The following TENM3 variants were observed in gnomAD, a reference collection of about 807,000 sequenced individuals.
The protein encoded by TENM3 is teneurin transmembrane protein 3, also known as teneurin-3.
A neutral mutation model predicts 255.1 loss-of-function variants in TENM3; 63 were observed. That is an observed-to-expected ratio of 0.25 (90% confidence interval 0.20 to 0.30). The LOEUF (loss-of-function observed/expected upper bound fraction) is 0.30. Ranked by LOEUF, TENM3 falls within the 10% of genes least tolerant of loss-of-function variation. The pLI is 1.00. For synonymous variants in TENM3, 1,306 were observed against 1,322.3 expected (o/e 0.99, Z 0.27); for missense variants, 2,929 against 3,461.1 (o/e 0.85, Z 3.86).
chr4:182,612,960 A>G (rs1255921399), intron 4 of TENM3, among the ~76,000 whole-genome samples: 5 of 152,206 alleles, frequency 3.3e-5, no homozygotes, highest in Non-Finnish European at 7.4e-5. Flanking sequence ...TGCCATGAAC[A>G]ACTCTCAACT....
intron 17 of TENM3, among the ~76,000 whole-genome samples, chr4:182,737,628 G>C (rs1454236577): frequency 6.6e-6 from 1 of 152,158 alleles, no homozygotes; most frequent in Non-Finnish European, 1.5e-5. Flanking sequence ...CATGTTGAGA[G>C]ACAGACAGAG....
chr4:181,507,733 T>G, the TENM3 span, among the ~76,000 whole-genome samples: 3 of 152,234 alleles, frequency 2.0e-5, no homozygotes, highest in Non-Finnish European at 4.4e-5. Context: ...GATGCTCAAA[T>G]CGATTGTTTT....
At chr4:182,002,506 A>C in the TENM3 span, among the ~76,000 whole-genome samples, 2 of 151,458 alleles carry the variant, frequency 1.3e-5, no homozygotes, top group Non-Finnish European at 3.0e-5. Flanking sequence ...AGAACTCCAC[A>C]TTCTCGGTTG....
At chr4:182,455,946 C>G (rs1375653916) in intron 3 of TENM3, among the ~76,000 whole-genome samples, 1 of 152,204 alleles carries the variant, frequency 6.6e-6, no homozygotes, top group East Asian at 1.9e-4. Flanking sequence ...AACACATTAT[C>G]CTGTAGTCAT....
At chr4:182,268,506 T>G (rs1759394884) in intron 1 of TENM3, among the ~76,000 whole-genome samples, 1 of 152,122 alleles carries the variant, frequency 6.6e-6, no homozygotes. Flanking sequence ...CAACCCTATC[T>G]TAAATAGGAG....
the TENM3 span, among the ~76,000 whole-genome samples, chr4:181,732,639 C>T: frequency 6.6e-6 from 1 of 152,030 alleles, no homozygotes; most frequent in South Asian, 2.1e-4. Context: ...TGCATTTGCA[C>T]TGTTAATATG....
intron 3 of TENM3, among the ~76,000 whole-genome samples, chr4:182,581,715 C>T (rs568067114): frequency 4.0e-5 from 6 of 151,544 alleles, no homozygotes; most frequent in East Asian, 3.9e-4. Context: ...CCAGCCTGGG[C>T]GACAGAGCGA....
the TENM3 span, among the ~76,000 whole-genome samples, chr4:181,916,525 A>C: frequency 3.3e-5 from 5 of 152,146 alleles, no homozygotes; most frequent in Non-Finnish European, 5.9e-5. Context: ...CATCTAGTAA[A>C]AGGGTTATTG....
chr4:182,639,307 G>A (rs1171805955), intron 5 of TENM3, among the ~76,000 whole-genome samples: 2 of 152,072 alleles, frequency 1.3e-5, no homozygotes, highest in Non-Finnish European at 2.9e-5. Context: ...TCTTGAACAG[G>A]GTAGTTAACC....
intron 5 of TENM3, among the ~76,000 whole-genome samples, chr4:182,652,725 T>C (rs1753422172): frequency 6.6e-6 from 1 of 152,194 alleles, no homozygotes; most frequent in Non-Finnish European, 1.5e-5. Flanking sequence ...TGCCTTCTTA[T>C]TCTTCCTCCA....
the TENM3 span, among the ~76,000 whole-genome samples, chr4:181,725,288 G>A: frequency 6.6e-6 from 1 of 152,156 alleles, no homozygotes; most frequent in Non-Finnish European, 1.5e-5. Context: ...GGAAAGAAAA[G>A]TATTGAAAAT....
In TENM3 at chr4:182,754,827, T is replaced by G; in HGVS notation, c.4460T>G (p.Ile1487Ser). 3.1e-6 allele frequency: 5 copies of G among 1,614,058 alleles called. No individual in the cohort carries two copies. The highest frequency in any genetic ancestry group is 4.2e-6 in the Non-Finnish European group (5 of 1,179,904). Residue 1487 changes from isoleucine (I) to serine (S), a missense_variant, in exon 22 of 28, where the codon ATT becomes AGT. Physicochemically the swap from Ile to Ser is moderately radical, Grantham distance 142. This residue lies in a region of TENM3 where 1,608 missense variants were observed against 1,884.4 expected (regional missense o/e 0.85). Transcript: ENST00000511685. The surrounding 1 kb of genome is among the most constrained non-coding windows in gnomAD (Gnocchi z 5.1). Reference protein sequence around the residue: ...LAASPDGTLYIADLGNIRIRA... With the variant: ...LAASPDGTLYSADLGNIRIRA... ...GCTTCTCCAGATGGTACACTGTATA[T>G]TGCAGATCTAGGGAATATCCGGATC... is the stretch of plus-strand genomic sequence containing the variant.
At chr4:182,100,428 T>C in the TENM3 span, among the ~76,000 whole-genome samples, 2 of 101,872 alleles carry the variant, frequency 2.0e-5, no homozygotes, top group East Asian at 3.2e-4. Flanking sequence ...ATGGCAAAAC[T>C]CCGTCTCCGT....
the TENM3 span, among the ~76,000 whole-genome samples, chr4:182,096,538 A>G: frequency 1.3e-5 from 2 of 152,212 alleles, no homozygotes; most frequent in Admixed American, 1.3e-4. Context: ...ATGAATGAGT[A>G]TATATTATGG....
the TENM3 span, among the ~76,000 whole-genome samples, chr4:182,050,390 A>G: frequency 6.6e-6 from 1 of 152,352 alleles, no homozygotes; most frequent in Admixed American, 6.5e-5. Flanking sequence ...TCAGATTGTT[A>G]AGGGAAATAA....
chr4:181,752,803 T>C, the TENM3 span, among the ~76,000 whole-genome samples: 1 of 151,916 alleles, frequency 6.6e-6, no homozygotes, highest in South Asian at 2.1e-4. Context: ...ATAGATCTTT[T>C]AAAATCATGG....
the TENM3 span, among the ~76,000 whole-genome samples, chr4:182,019,053 C>T: frequency 2.7e-4 from 41 of 152,280 alleles, no homozygotes; most frequent in South Asian, 2.1e-4. Context: ...CTGGCTTGGC[C>T]GCATTTGGAG....
At chr4:182,636,921 A>G (rs75572643) in intron 5 of TENM3, among the ~76,000 whole-genome samples, 7,097 of 152,274 alleles carry the variant, frequency 0.047, 236 homozygotes, top group East Asian at 0.091. Flanking sequence ...GTTTTAAACT[A>G]TCATTTTTGC....
the TENM3 span, among the ~76,000 whole-genome samples, chr4:181,877,704 T>C: frequency 6.6e-6 from 1 of 152,084 alleles, no homozygotes; most frequent in African/African-American, 2.4e-5. Flanking sequence ...GCTCCAGTCA[T>C]CACATCTCTC....
Sources: allele counts gnomAD v4.1 joint callset (sites outside exome capture counted in the v4.1 genomes callset), GRCh38; gene constraint gnomAD v4.1.1; regional missense constraint gnomAD v4.1.1; non-coding constraint Gnocchi (gnomAD v3.1); transcripts MANE v1.5; gene names NCBI Gene and HGNC (gene_info 2026-07-23, HGNC 2026-07-21).